EXOC2: variants seen among roughly 807,000 people sequenced by gnomAD.
EXOC2 encodes exocyst complex component 2.
In EXOC2, 70 loss-of-function variants were observed where a neutral mutation model predicts 131.8. The observed-to-expected ratio is 0.53, with a 90% CI of 0.44 to 0.65. EXOC2 has a LOEUF of 0.65. Ranked by LOEUF, EXOC2 falls within the 30% of genes least tolerant of loss-of-function variation. The pLI, the probability that EXOC2 is intolerant of heterozygous loss-of-function variation, is 0.00. For missense variants in EXOC2, 923 were observed against 1,108.6 expected (o/e 0.83, Z 2.38); for synonymous variants, 411 against 398.4 (o/e 1.03, Z -0.38).
At chr6:524,777 A>G (rs1374472157) in intron 23 of EXOC2, 1 of 152,234 alleles carries the variant, frequency 6.6e-6, no homozygotes, top group Non-Finnish European at 1.5e-5. Flanking sequence ...ATATTTAATC[A>G]TCTTTTAAAA....
intron 16 of EXOC2, 23 bp downstream of exon 16, chr6:564,010 G>T (rs201569402): frequency 5.6e-6 from 9 of 1,611,110 alleles, no homozygotes; most frequent in African/African-American, 1.3e-5. Context: ...CACAGTGAAC[G>T]TCACCGATTT....
rs1489086707 is a variant in EXOC2, at chr6:636,622, C to T, written c.118+1079G>A. On this transcript the variant is annotated intron_variant, in intron 2 of 27. Coordinates refer to ENST00000230449, the MANE Select transcript of EXOC2 (RefSeq NM_018303.6). ...AGTCATAATGCAGGAAAAGCAAGTTCCAATTCGTGATTTCAGAACCTTAGT... is the reference window on the plus strand; with the variant it reads ...AGTCATAATGCAGGAAAAGCAAGTTTCAATTCGTGATTTCAGAACCTTAGT... 2.0e-5 allele frequency among the ~76,000 whole-genome samples: 3 copies of T among 152,168 alleles called. No individual in the cohort carries two copies. In the East Asian group the frequency reaches 5.8e-4, roughly 29 times the overall value.
chr6:619,541 C>A lies in EXOC2; in HGVS notation c.425G>T (p.Ser142Ile). 2.5e-6 allele frequency: 4 copies of A among 1,609,772 alleles called. No individual in the cohort carries two copies. The highest frequency in any genetic ancestry group is 3.4e-6 in the Non-Finnish European group (4 of 1,176,514). The part of the protein sequence containing the change: ...ANPLGIEIEK[S>I]KFSQKDLEML... ...TTCTAAGTCCTTCTGCGAAAATTTA[C>A]TTCTGAGGGGAAAAAACGTTTAAAA... is the stretch of plus-strand genomic sequence containing the variant. Residue 142 changes from serine to isoleucine, a missense_variant and splice_region_variant, in exon 5 of 28, where the codon AGT becomes ATT. By Grantham distance (142) the Ser-to-Ile change is moderately radical. Coordinates refer to ENST00000230449, the MANE Select transcript of EXOC2 (RefSeq NM_018303.6).
intron 15 of EXOC2, 135 bp from the exon 16 acceptor site, chr6:564,289 C>T (rs1757851726): frequency 7.6e-7 from 1 of 1,324,376 alleles, no homozygotes. Context: ...AAACAGACCA[C>T]AACTGGGACT....
chr6:692,246 G>A (rs1764963094), intron 1 of EXOC2, among the ~76,000 whole-genome samples: 1 of 152,208 alleles, frequency 6.6e-6, no homozygotes, highest in Non-Finnish European at 1.5e-5. Flanking sequence ...TTAGTATGTT[G>A]ACCTTTGGCA....
intron 1 of EXOC2, among the ~76,000 whole-genome samples, chr6:644,079 T>G (rs1762473826): frequency 6.6e-6 from 1 of 152,122 alleles, no homozygotes; most frequent in Admixed American, 6.5e-5. Context: ...CACAGATGGA[T>G]TCCATAAAAC....
chr6:538,847 G>T (rs1351682314), intron 22 of EXOC2, among the ~76,000 whole-genome samples: 3 of 152,194 alleles, frequency 2.0e-5, no homozygotes, highest in African/African-American at 7.2e-5. Flanking sequence ...GCTGAGGCGG[G>T]TGGATCACGG....
At chr6:635,491 A>C (rs920883893) in intron 2 of EXOC2, among the ~76,000 whole-genome samples, 2 of 152,248 alleles carry the variant, frequency 1.3e-5, no homozygotes, top group Non-Finnish European at 2.9e-5. Context: ...ATGAAAAGAA[A>C]AAAGATCGTT....
chr6:599,803 T>C (rs1190991599), intron 7 of EXOC2, among the ~76,000 whole-genome samples: 2 of 152,016 alleles, frequency 1.3e-5, no homozygotes, highest in Non-Finnish European at 2.9e-5. Context: ...CATGAATATT[T>C]CTTAAATCAG....
At chr6:582,156 A>G (rs891982737) in intron 11 of EXOC2, among the ~76,000 whole-genome samples, 9 of 152,184 alleles carry the variant, frequency 5.9e-5, no homozygotes, top group Admixed American at 5.9e-4. Context: ...TATACCTAGA[A>G]TTCTGTAGGA....
intron 22 of EXOC2, among the ~76,000 whole-genome samples, chr6:541,599 G>T (rs1335409414): frequency 7.4e-6 from 1 of 134,944 alleles, no homozygotes; most frequent in Admixed American, 7.9e-5. Context: ...ACAAGCGATA[G>T]TAAGTACAAA....
At position 564,590 on chromosome 6, in the gene EXOC2, C is replaced by A. The variant is rs566240727; in HGVS notation, c.1622G>T (p.Cys541Phe). 5 of 1,614,076 alleles carry A rather than the reference C, an allele frequency of 3.1e-6. No homozygotes were observed. Among genetic ancestry groups the A allele is most frequent in the African/African-American group, 1.3e-5 (1 of 74,922 alleles). ...AKQYGGWEVK[C>F]ELSGQWLAHA... ...AGCGAGCCACTGTCCGGAGAGCTCG[C>A]ACTTCACCTCCCAGCCTCCGTACTG... Residue 541 changes from cysteine to phenylalanine, a missense_variant, in exon 15 of 28, where the codon TGC (cysteine) becomes TTC (phenylalanine). Coordinates refer to ENST00000230449, the MANE Select transcript of EXOC2 (RefSeq NM_018303.6).
At chr6:632,409 A>G (rs935009726) in intron 3 of EXOC2, among the ~76,000 whole-genome samples, 6 of 152,236 alleles carry the variant, frequency 3.9e-5, no homozygotes, top group African/African-American at 1.4e-4. Context: ...GAAGGCAGCA[A>G]GTGGTCAGCG....
intron 2 of EXOC2, 85 bp from the exon 3 acceptor site, chr6:633,202 G>C (rs1761939054): frequency 7.1e-7 from 1 of 1,411,108 alleles, no homozygotes; most frequent in Non-Finnish European, 9.7e-7. Context: ...TTTAAATCTA[G>C]TCTTGTTCAA....
At chr6:566,447 C>T (rs1265616196) in intron 13 of EXOC2, among the ~76,000 whole-genome samples, 1 of 152,168 alleles carries the variant, frequency 6.6e-6, no homozygotes, top group East Asian at 1.9e-4. Context: ...ACCTACTGCC[C>T]TGGTGCTGCA....
chr6:600,396 G>A (rs893120745), intron 7 of EXOC2, among the ~76,000 whole-genome samples: 1 of 152,066 alleles, frequency 6.6e-6, no homozygotes, highest in African/African-American at 2.4e-5. Context: ...TCTGATTAGG[G>A]TTAAAACTTT....
intron 13 of EXOC2, 118 bp downstream of exon 13, chr6:572,402 T>G (rs960826133): frequency 2.3e-6 from 3 of 1,293,560 alleles, no homozygotes; most frequent in African/African-American, 3.0e-5. Flanking sequence ...TTTTAAACTA[T>G]GACGATGGCT....
At chr6:489,726 A>C (rs547254350) in intron 26 of EXOC2, among the ~76,000 whole-genome samples, 10 of 152,384 alleles carry the variant, frequency 6.6e-5, no homozygotes, top group South Asian at 2.1e-4. Context: ...CAGTTCTTTT[A>C]TCTCTCTTAT....
intron 23 of EXOC2, among the ~76,000 whole-genome samples, chr6:527,768 A>G (rs1765829163): frequency 6.6e-6 from 1 of 152,254 alleles, no homozygotes; most frequent in African/African-American, 2.4e-5. Flanking sequence ...AATCAAAAAT[A>G]AGTTCACTAT....
Sources: allele counts gnomAD v4.1 joint callset (sites outside exome capture counted in the v4.1 genomes callset), GRCh38; gene constraint gnomAD v4.1.1; transcripts MANE v1.5; gene names NCBI Gene and HGNC (gene_info 2026-07-23, HGNC 2026-07-21).